Variants in GPM6B observed in about 807,000 individuals in gnomAD.
The protein encoded by GPM6B is glycoprotein M6B.
In GPM6B, 4 loss-of-function variants were observed where a neutral mutation model predicts 27.2. The ratio of observed to expected loss-of-function variants is 0.15; its 90% CI spans 0.07 to 0.34. The LOEUF is 0.34. GPM6B is among the 10% of genes least tolerant of loss of function. GPM6B has a pLI of 1.00. For synonymous variants in GPM6B, 124 were observed against 103.1 expected (o/e 1.20, Z -1.23); for missense variants, 183 against 261.9 (o/e 0.70, Z 2.08).
At chrX:13,826,885 G>T (rs2049379969) in intron 1 of GPM6B, among the ~76,000 whole-genome samples, 1 of 110,804 alleles carries the variant, frequency 9.0e-6, no homozygotes, top group East Asian at 2.8e-4. Context: ...CATTAAGAGT[G>T]GCACAATGAG....
chrX:13,861,878 C>T lies in GPM6B; in HGVS notation c.-197-76070G>A, dbSNP rs754431532. Among the ~76,000 whole-genome samples the T allele has an allele frequency of 8.9e-5, 10 of 112,024 alleles. No homozygotes were observed. In the East Asian group the frequency reaches 2.2e-3, roughly 25 times the overall value. On this transcript the variant is annotated intron_variant, in intron 1 of 6. Coordinates refer to the GPM6B transcript ENST00000398361. ...CAGAATCATAAGCCAAATCTGCACACATTTGTATAGACACTTTTCAGGGAA... is the reference window on the plus strand; with the variant it reads ...CAGAATCATAAGCCAAATCTGCACATATTTGTATAGACACTTTTCAGGGAA...
At chrX:13,785,562 A>G in intron 3 of GPM6B, 60 bp downstream of exon 3, 1 of 1,075,266 alleles carries the variant, frequency 9.3e-7, no homozygotes, top group Non-Finnish European at 1.3e-6. Flanking sequence ...TGCTGGGATG[A>G]CAGGCATGAG....
chrX:13,839,058 T>G (rs1253282925), intron 1 of GPM6B, among the ~76,000 whole-genome samples: 1 of 111,525 alleles, frequency 9.0e-6, no homozygotes, highest in Non-Finnish European at 1.9e-5. Context: ...ACAGAATATT[T>G]GTAGGTCCCA....
intron 3 of GPM6B, among the ~76,000 whole-genome samples, chrX:13,784,872 G>A (rs1171013131): frequency 8.9e-6 from 1 of 112,019 alleles, no homozygotes; most frequent in Non-Finnish European, 1.9e-5. Flanking sequence ...TGCTGGAAGA[G>A]TTAATGTTAA....
At chrX:13,794,182 CTCTCT>C (rs1293970474) in intron 2 of GPM6B, among the ~76,000 whole-genome samples, 1 of 107,161 alleles carries the variant, frequency 9.3e-6, no homozygotes, top group African/African-American at 3.4e-5. Context: ...CTCTCTCTCT[CTCTCT>C]TTTTTTTTTT....
At chrX:13,900,818 G>A (rs751620329) in intron 1 of GPM6B, among the ~76,000 whole-genome samples, 5 of 111,773 alleles carry the variant, frequency 4.5e-5, no homozygotes, top group African/African-American at 1.6e-4. Flanking sequence ...GCCTGCAAAC[G>A]GAACTCTCTA....
chrX:13,831,075 G>C (rs1324401097), intron 1 of GPM6B, among the ~76,000 whole-genome samples: 1 of 109,600 alleles, frequency 9.1e-6, no homozygotes, highest in Non-Finnish European at 1.9e-5. Context: ...CCCCTTACTG[G>C]CTCAATGACA....
intron 1 of GPM6B, among the ~76,000 whole-genome samples, chrX:13,934,645 T>A (rs1335174271): frequency 8.9e-6 from 1 of 112,214 alleles, no homozygotes; most frequent in Non-Finnish European, 1.9e-5. Context: ...GCTGGCTTCA[T>A]GCATTCAAGT....
At chrX:13,863,866 G>A (rs996972096) in intron 1 of GPM6B, among the ~76,000 whole-genome samples, 2 of 112,747 alleles carry the variant, frequency 1.8e-5, no homozygotes, top group African/African-American at 6.4e-5. Context: ...CAAGTCTGCA[G>A]TGAAATGGTG....
intron 1 of GPM6B, among the ~76,000 whole-genome samples, chrX:13,884,268 T>C (rs1270714232): frequency 1.8e-5 from 2 of 112,951 alleles, no homozygotes; most frequent in African/African-American, 6.4e-5. Flanking sequence ...AAAAGTTACA[T>C]ATGTGGCTCA....
chrX:13,836,683 T>C (rs759942524), intron 1 of GPM6B, among the ~76,000 whole-genome samples: 1 of 112,764 alleles, frequency 8.9e-6, no homozygotes, highest in African/African-American at 3.2e-5. Context: ...AAACCTAGAA[T>C]GCAATTAACA....
At chrX:13,846,686 G>A (rs1163884786) in intron 1 of GPM6B, among the ~76,000 whole-genome samples, 1 of 108,847 alleles carries the variant, frequency 9.2e-6, no homozygotes, top group Admixed American at 9.8e-5. Flanking sequence ...GTAGAGACGG[G>A]GTTTCACCAT....
chrX:13,875,597 T>C (rs1356731719), intron 1 of GPM6B, among the ~76,000 whole-genome samples: 2 of 111,849 alleles, frequency 1.8e-5, no homozygotes, highest in African/African-American at 3.3e-5. Flanking sequence ...CTCTTCACAA[T>C]AGCCACAAGG....
chrX:13,854,429 G>C (rs188966598), intron 1 of GPM6B, among the ~76,000 whole-genome samples: 129 of 111,731 alleles, frequency 1.2e-3, no homozygotes, highest in Non-Finnish European at 2.1e-3. Flanking sequence ...TTAGAACTGA[G>C]ATTTAAATAT....
At chrX:13,782,767 AAAAAAAG>A (rs1432147733) in intron 4 of GPM6B, among the ~76,000 whole-genome samples, 2 of 62,976 alleles carry the variant, frequency 3.2e-5, no homozygotes, top group African/African-American at 1.3e-4. Context: ...CAAAAAAAAA[AAAAAAAG>A]AAAAAAAAAA....
At chrX:13,915,379 A>C (rs1242521030) in intron 1 of GPM6B, among the ~76,000 whole-genome samples, 1 of 111,631 alleles carries the variant, frequency 9.0e-6, no homozygotes, top group African/African-American at 3.3e-5. Flanking sequence ...CTGGCTGATG[A>C]AAACAGGTAG....
chrX:13,878,163 A>C (rs2147009570), intron 1 of GPM6B, among the ~76,000 whole-genome samples: 1 of 111,529 alleles, frequency 9.0e-6, no homozygotes, highest in African/African-American at 3.3e-5. Flanking sequence ...AGCTGTTAAA[A>C]AAAAAAATCA....
chrX:13,777,718 A>G (rs1474936254), intron 5 of GPM6B, among the ~76,000 whole-genome samples: 1 of 112,555 alleles, frequency 8.9e-6, no homozygotes, highest in Non-Finnish European at 1.9e-5. Flanking sequence ...TCATATTTGT[A>G]AACATTAATT....
rs184886048 is a variant in GPM6B at position 13,924,555 on chromosome X, G to A, written c.-198+13772C>T. On this transcript the variant is annotated intron_variant, in intron 1 of 6. Coordinates refer to the GPM6B transcript ENST00000398361. The stretch of plus-strand genomic sequence containing the variant: ...TAGGCTCAAGCGACCCTCCCACCTC[G>A]GCCTCTCGAAGTGCTGGGATCAGGA... Among the ~76,000 whole-genome samples the A allele has an allele frequency of 2.7e-5, 3 of 111,577 alleles. No homozygotes were observed. In the East Asian group the frequency reaches 8.4e-4, roughly 31 times the overall value.
Sources: allele counts gnomAD v4.1 joint callset (sites outside exome capture counted in the v4.1 genomes callset), GRCh38; gene constraint gnomAD v4.1.1; transcripts MANE v1.5; gene names NCBI Gene and HGNC (gene_info 2026-07-23, HGNC 2026-07-21).